Variants in SH3GL3 observed in about 807,000 individuals in gnomAD.
The protein encoded by SH3GL3 is endophilin-A3.
In SH3GL3, 33 loss-of-function variants were observed where a neutral mutation model predicts 47.7. The observed-to-expected ratio is 0.69, with a 90% CI of 0.52 to 0.92. SH3GL3 has a LOEUF of 0.92. Among genes scored for constraint, SH3GL3 ranks in the 40% least tolerant of loss-of-function variants. The pLI, the probability that SH3GL3 is intolerant of heterozygous loss-of-function variation, is 0.00. For synonymous variants in SH3GL3, 155 were observed against 148.8 expected, an observed-to-expected ratio of 1.04 and a Z score of -0.30; for missense variants, 363 against 417.8, an observed-to-expected ratio of 0.87 and a Z score of 1.14.
At chr15:83,498,124 G>A (rs192233906) in intron 1 of SH3GL3, among the ~76,000 whole-genome samples, 1 of 152,186 alleles carries the variant, frequency 6.6e-6, no homozygotes, top group Admixed American at 6.5e-5. Flanking sequence ...TTGAGCTTTA[G>A]GCAGCCTATC....
chr15:83,562,194 A>G (rs1209684963), intron 2 of SH3GL3, among the ~76,000 whole-genome samples: 1 of 152,026 alleles, frequency 6.6e-6, no homozygotes, highest in East Asian at 1.9e-4. Context: ...ACATTAGCCA[A>G]TATGTTTACT....
chr15:83,571,829 C>G (rs989553321), intron 4 of SH3GL3, among the ~76,000 whole-genome samples: 2 of 152,064 alleles, frequency 1.3e-5, no homozygotes, highest in African/African-American at 4.8e-5. Context: ...TTCTAGAGAC[C>G]CTGCAACCCT....
intron 1 of SH3GL3, among the ~76,000 whole-genome samples, chr15:83,536,343 C>T (rs1461902986): frequency 1.3e-5 from 2 of 151,826 alleles, no homozygotes; most frequent in African/African-American, 4.8e-5. Flanking sequence ...TTTCCTGTCT[C>T]ATGTTCTTGT....
chr15:83,604,111 A>C (rs970203147), intron 8 of SH3GL3, among the ~76,000 whole-genome samples: 3 of 152,090 alleles, frequency 2.0e-5, no homozygotes, highest in Non-Finnish European at 2.9e-5. Context: ...GCACCATTGC[A>C]CTCCAGGCTG....
intron 1 of SH3GL3, among the ~76,000 whole-genome samples, chr15:83,524,993 T>C (rs2151661492): frequency 6.6e-6 from 1 of 152,326 alleles, no homozygotes; most frequent in Middle Eastern, 3.4e-3. Context: ...CTCTTTGATA[T>C]ACTGATTTCT....
chr15:83,530,345 C>A (rs2043612877), intron 1 of SH3GL3, among the ~76,000 whole-genome samples: 1 of 152,070 alleles, frequency 6.6e-6, no homozygotes, highest in Non-Finnish European at 1.5e-5. Flanking sequence ...GGAATGTGGA[C>A]TTCTTGGGAT....
At chr15:83,563,086 C>T (rs1472494485) in intron 2 of SH3GL3, among the ~76,000 whole-genome samples, 3 of 152,150 alleles carry the variant, frequency 2.0e-5, no homozygotes, top group Non-Finnish European at 2.9e-5. Context: ...AATACGATTT[C>T]AGGCTGGATA....
intron 1 of SH3GL3, among the ~76,000 whole-genome samples, chr15:83,555,141 G>T (rs2044879533): frequency 6.6e-6 from 1 of 151,932 alleles, no homozygotes; most frequent in South Asian, 2.1e-4. Context: ...TTGCGCCCAG[G>T]CTGGAGTTTG....
At chr15:83,603,001 T>G (rs1190093748) in intron 8 of SH3GL3, among the ~76,000 whole-genome samples, 1 of 152,062 alleles carries the variant, frequency 6.6e-6, no homozygotes, top group Non-Finnish European at 1.5e-5. Context: ...TTTTCACAAC[T>G]TGATTTCCTT....
intron 1 of SH3GL3, among the ~76,000 whole-genome samples, chr15:83,498,288 T>C (rs1229766227): frequency 6.6e-6 from 1 of 152,186 alleles, no homozygotes; most frequent in African/African-American, 2.4e-5. Context: ...GCTGATTACC[T>C]CCCCTTCAAT....
chr15:83,504,777 C>A (rs2042426576), intron 1 of SH3GL3, among the ~76,000 whole-genome samples: 1 of 152,180 alleles, frequency 6.6e-6, no homozygotes. Context: ...CTCCTGGATT[C>A]CTGACTCTCA....
At chr15:83,515,179 G>C (rs1193999192) in intron 1 of SH3GL3, among the ~76,000 whole-genome samples, 1 of 152,206 alleles carries the variant, frequency 6.6e-6, no homozygotes, top group African/African-American at 2.4e-5. Flanking sequence ...ATAGCAGCCA[G>C]AGGAAGCAAA....
intron 1 of SH3GL3, among the ~76,000 whole-genome samples, chr15:83,464,348 C>T (rs899808442): frequency 2.2e-4 from 34 of 152,158 alleles, no homozygotes; most frequent in African/African-American, 8.0e-4. Flanking sequence ...ACCCCAGGCC[C>T]TGGCTTGGGT....
intron 1 of SH3GL3, among the ~76,000 whole-genome samples, chr15:83,556,928 T>C (rs945395753): frequency 3.3e-5 from 5 of 152,194 alleles, no homozygotes; most frequent in African/African-American, 7.2e-5. Flanking sequence ...CACGTGGTCT[T>C]TCATTCTCCA....
intron 1 of SH3GL3, among the ~76,000 whole-genome samples, chr15:83,461,535 T>C (rs2040299520): frequency 6.6e-6 from 1 of 152,176 alleles, no homozygotes; most frequent in Non-Finnish European, 1.5e-5. Context: ...CTCTTGTGAA[T>C]AATATTAAAA....
At chr15:83,524,701 C>T (rs1278895688) in intron 1 of SH3GL3, among the ~76,000 whole-genome samples, 1 of 151,938 alleles carries the variant, frequency 6.6e-6, no homozygotes, top group East Asian at 1.9e-4. Flanking sequence ...TAGTAACTGT[C>T]ATTCTGTTCT....
chr15:83,597,617 AT>A (rs994260674), intron 8 of SH3GL3, among the ~76,000 whole-genome samples: 3 of 149,638 alleles, frequency 2.0e-5, no homozygotes, highest in Admixed American at 1.3e-4. Flanking sequence ...AATTATTATT[AT>A]TTTTTTTTGA....
chr15:83,476,634 C>G (rs2041111378), intron 1 of SH3GL3, among the ~76,000 whole-genome samples: 1 of 152,212 alleles, frequency 6.6e-6, no homozygotes, highest in Non-Finnish European at 1.5e-5. Context: ...GTGATAATTA[C>G]ATGAAATTCA....
intron 8 of SH3GL3, among the ~76,000 whole-genome samples, chr15:83,599,252 G>A (rs1253052473): frequency 6.6e-6 from 1 of 152,066 alleles, no homozygotes; most frequent in African/African-American, 2.4e-5. Flanking sequence ...GGTTACATAA[G>A]TAAGCTGTTT....
Sources: gnomAD v4.1 joint callset for allele counts (sites outside exome capture counted in the v4.1 genomes callset) on GRCh38, gnomAD v4.1.1 for gene constraint, MANE v1.5 for transcripts, NCBI Gene and HGNC (gene_info 2026-07-23, HGNC 2026-07-21) for gene names.